The following TAFA2 variants were observed in gnomAD, a reference collection of about 807,000 sequenced individuals.
TAFA2 encodes the protein chemokine-like protein TAFA-2.
TAFA2 carries 7 observed loss-of-function variants against 18.8 expected under a neutral mutation model. That is an observed-to-expected ratio of 0.37 (90% CI 0.21 to 0.70). The LOEUF (loss-of-function observed/expected upper bound fraction) is 0.70. Ranked by LOEUF, TAFA2 falls within the 30% of genes least tolerant of loss-of-function variation. TAFA2 has a pLI of 0.53. For missense variants in TAFA2, 122 were observed against 158.1 expected, an observed-to-expected ratio of 0.77 and a Z score of 1.23; for synonymous variants, 60 against 54.2, an observed-to-expected ratio of 1.11 and a Z score of -0.47.
intron 1 of TAFA2, among the ~76,000 whole-genome samples, chr12:61,898,476 T>A (rs756420023): frequency 3.3e-5 from 5 of 152,334 alleles, no homozygotes; most frequent in Non-Finnish European, 7.4e-5. Context: ...CCGAAATCTA[T>A]GCGGAGGTTC....
chr12:61,852,406 G>GA (rs1372405545), intron 2 of TAFA2, among the ~76,000 whole-genome samples: 1 of 152,042 alleles, frequency 6.6e-6, no homozygotes, highest in Non-Finnish European at 1.5e-5. Flanking sequence ...CTGTGGATAG[G>GA]AAAAAATGTG....
intron 1 of TAFA2, among the ~76,000 whole-genome samples, chr12:62,097,133 G>C (rs1404570611): frequency 6.6e-6 from 1 of 152,102 alleles, no homozygotes; most frequent in African/African-American, 2.4e-5. Flanking sequence ...CCCAAGCACT[G>C]TGTCAGGCAA....
chr12:62,199,379 G>A (rs959904990), intron 1 of TAFA2, among the ~76,000 whole-genome samples: 5 of 152,008 alleles, frequency 3.3e-5, no homozygotes, highest in African/African-American at 9.7e-5. Context: ...ACGCCATCAG[G>A]CCCCTGTGTG....
At chr12:62,158,526 T>C (rs2062386497) in intron 1 of TAFA2, among the ~76,000 whole-genome samples, 1 of 152,162 alleles carries the variant, frequency 6.6e-6, no homozygotes, top group South Asian at 2.1e-4. Context: ...ATGGAAACAG[T>C]GTAAAGTGAG....
At chr12:62,187,681 A>G (rs1228726986) in intron 1 of TAFA2, among the ~76,000 whole-genome samples, 1 of 152,188 alleles carries the variant, frequency 6.6e-6, no homozygotes, top group Non-Finnish European at 1.5e-5. Context: ...TGAATGAATC[A>G]CTGCACTGAA....
chr12:61,816,502 T>C (rs1872092411), intron 2 of TAFA2, among the ~76,000 whole-genome samples: 2 of 151,404 alleles, frequency 1.3e-5, no homozygotes, highest in Non-Finnish European at 1.5e-5. Flanking sequence ...TGTGTCTTTA[T>C]TGTAGAATAA....
chr12:61,860,375 A>G (rs542963410), intron 2 of TAFA2, among the ~76,000 whole-genome samples: 2 of 152,338 alleles, frequency 1.3e-5, no homozygotes, highest in Non-Finnish European at 2.9e-5. Flanking sequence ...ACATTAATCC[A>G]ATTGTTTTTA....
Position 62,242,806 on chromosome 12 carries a change from C to G in TAFA2, c.-130+15957G>C, listed in dbSNP as rs534371078. ...CTATAAGGGTTAAAAAGCCAAGCTT[C>G]TTAGTTTGAGAAAATACAGTCCTTT... On this transcript the variant is annotated intron_variant, in intron 1 of 5. Coordinates refer to the TAFA2 transcript ENST00000551619. Among the ~76,000 whole-genome samples, 15 of 152,306 alleles carry G rather than the reference C, an allele frequency of 9.8e-5. No homozygotes were observed. In the South Asian group the frequency reaches 2.9e-3, roughly 29 times the overall value.
At chr12:62,249,127 C>T (rs2136993655) in intron 1 of TAFA2, among the ~76,000 whole-genome samples, 1 of 152,106 alleles carries the variant, frequency 6.6e-6, no homozygotes, top group East Asian at 1.9e-4. Flanking sequence ...AAAATGTTAC[C>T]ACACATTGCA....
At chr12:61,779,289 C>A (rs1197972564) in intron 2 of TAFA2, among the ~76,000 whole-genome samples, 1 of 151,750 alleles carries the variant, frequency 6.6e-6, no homozygotes, top group Non-Finnish European at 1.5e-5. Flanking sequence ...AATTGCACCT[C>A]TGAAAGCTAA....
chr12:61,756,671 T>A (rs1869282415), intron 2 of TAFA2, among the ~76,000 whole-genome samples: 1 of 152,054 alleles, frequency 6.6e-6, no homozygotes, highest in Non-Finnish European at 1.5e-5. Context: ...CAATGTTAGA[T>A]TTTTAAGCTC....
chr12:61,957,815 TTC>T (rs1878750473), intron 1 of TAFA2, among the ~76,000 whole-genome samples: 1 of 152,064 alleles, frequency 6.6e-6, no homozygotes, highest in Non-Finnish European at 1.5e-5. Context: ...GTTTTCACCT[TTC>T]TGATGCAGGC....
At chr12:62,252,242 G>C (rs1335042635) in intron 1 of TAFA2, 2 of 152,208 alleles carry the variant, frequency 1.3e-5, no homozygotes, top group Admixed American at 1.3e-4. Flanking sequence ...GGCATACCAA[G>C]AGATGCCAAA....
intron 1 of TAFA2, among the ~76,000 whole-genome samples, chr12:61,910,197 G>A (rs7976428): frequency 0.8 from 120,820 of 151,674 alleles, 48,715 homozygotes; most frequent in East Asian, 0.91. Flanking sequence ...TCAGGACACA[G>A]GCATGAACTA....
chr12:62,212,416 C>T (rs1001572655), intron 1 of TAFA2, among the ~76,000 whole-genome samples: 2 of 152,192 alleles, frequency 1.3e-5, no homozygotes, highest in African/African-American at 4.8e-5. Context: ...TGGATAAGCA[C>T]ATTTTCATCT....
intron 1 of TAFA2, among the ~76,000 whole-genome samples, chr12:61,895,314 G>A (rs760788936): frequency 6.6e-6 from 1 of 152,028 alleles, no homozygotes; most frequent in East Asian, 1.9e-4. Flanking sequence ...ACTACAAGTA[G>A]GTGACAAATG....
intron 1 of TAFA2, among the ~76,000 whole-genome samples, chr12:62,147,501 G>A (rs1041686303): frequency 1.4e-4 from 21 of 149,792 alleles, no homozygotes; most frequent in Non-Finnish European, 2.4e-4. Flanking sequence ...AGGCTGAGGC[G>A]GGCAGATCAC....
At chr12:61,747,180 A>G (rs1868756782) in intron 4 of TAFA2, among the ~76,000 whole-genome samples, 1 of 151,990 alleles carries the variant, frequency 6.6e-6, no homozygotes, top group Admixed American at 6.6e-5. Context: ...ATCTCACACC[A>G]GTTAGAATGG....
At chr12:62,074,625 T>C (rs1882714824) in intron 1 of TAFA2, among the ~76,000 whole-genome samples, 1 of 151,986 alleles carries the variant, frequency 6.6e-6, no homozygotes, top group Non-Finnish European at 1.5e-5. Flanking sequence ...TTTGTTTTCA[T>C]ACAGACAGTA....
Sources: gnomAD v4.1 joint callset for allele counts (sites outside exome capture counted in the v4.1 genomes callset) on GRCh38, gnomAD v4.1.1 for gene constraint, MANE v1.5 for transcripts, NCBI Gene and HGNC (gene_info 2026-07-23, HGNC 2026-07-21) for gene names.